The following OLA1 variants were observed in gnomAD, a reference collection of about 807,000 sequenced individuals.
OLA1 encodes the protein obg-like ATPase 1.
In OLA1, 14 loss-of-function variants were observed where a neutral mutation model predicts 48.4. The ratio of observed to expected loss-of-function variants is 0.29; its 90% CI spans 0.19 to 0.45. The LOEUF (loss-of-function observed/expected upper bound fraction) is 0.45. OLA1 is among the 20% of genes least tolerant of loss of function. The pLI, the probability that OLA1 is intolerant of heterozygous loss-of-function variation, is 1.00. For missense variants in OLA1, 325 were observed against 467.1 expected (o/e 0.70, Z 2.80); for synonymous variants, 127 against 150.4 (o/e 0.84, Z 1.14).
chr2:174,216,787 A>G (rs1355193572), intron 4 of OLA1, among the ~76,000 whole-genome samples: 1 of 152,044 alleles, frequency 6.6e-6, no homozygotes, highest in Admixed American at 6.6e-5. Context: ...GACTCAAGCA[A>G]TCCTCCTCCC....
chr2:174,083,270 G>A (rs992821132), intron 7 of OLA1, among the ~76,000 whole-genome samples: 2 of 152,072 alleles, frequency 1.3e-5, no homozygotes, highest in Non-Finnish European at 2.9e-5. Flanking sequence ...CACTTTAGGG[G>A]AAAAGAAAAA....
At chr2:174,162,809 C>T (rs904691172) in intron 4 of OLA1, among the ~76,000 whole-genome samples, 3 of 152,074 alleles carry the variant, frequency 2.0e-5, no homozygotes, top group Non-Finnish European at 4.4e-5. Context: ...TTTGGGAGGC[C>T]GAGGCGGGCG....
At chr2:174,090,638 C>G (rs1359358620) in intron 7 of OLA1, among the ~76,000 whole-genome samples, 1 of 152,136 alleles carries the variant, frequency 6.6e-6, no homozygotes, top group Non-Finnish European at 1.5e-5. Flanking sequence ...GGATTTCATC[C>G]TTGGAACTCT....
chr2:174,153,490 C>T (rs370407966), intron 4 of OLA1, among the ~76,000 whole-genome samples: 5 of 152,132 alleles, frequency 3.3e-5, no homozygotes, highest in Admixed American at 2.0e-4. Flanking sequence ...ATCACTGACA[C>T]CACTTAACTG....
chr2:174,081,855 C>T (rs1257375229), intron 8 of OLA1, 69 bp downstream of exon 8: 26 of 1,425,956 alleles, frequency 1.8e-5, no homozygotes, highest in African/African-American at 4.2e-5. Flanking sequence ...ATTCTATCAG[C>T]GCAAGCAATT....
intron 3 of OLA1, among the ~76,000 whole-genome samples, chr2:174,226,984 G>A (rs532463112): frequency 1.1e-3 from 173 of 152,184 alleles, no homozygotes; most frequent in African/African-American, 4.0e-3. Context: ...CAGCTACTCA[G>A]GAGGCTGAGG....
chr2:174,131,042 G>A (rs1351376696), intron 5 of OLA1, among the ~76,000 whole-genome samples: 3 of 152,080 alleles, frequency 2.0e-5, no homozygotes, highest in Non-Finnish European at 4.4e-5. Flanking sequence ...ATATCTAAGT[G>A]CCCAAATGAA....
At chr2:174,118,480 T>C (rs16862399) in intron 7 of OLA1, among the ~76,000 whole-genome samples, 17,741 of 152,226 alleles carry the variant, frequency 0.12, 2,349 homozygotes, top group East Asian at 0.72. Context: ...CCAAACTTTA[T>C]ATTTCATTTC....
At chr2:174,099,864 CAGAAT>C (rs1233706580) in intron 7 of OLA1, among the ~76,000 whole-genome samples, 2 of 152,272 alleles carry the variant, frequency 1.3e-5, no homozygotes, top group Admixed American at 6.5e-5. Context: ...AGTGGAGACA[CAGAAT>C]AGGTTTCCAT....
intron 4 of OLA1, among the ~76,000 whole-genome samples, chr2:174,219,373 T>C (rs961717604): frequency 1.3e-5 from 2 of 150,924 alleles, no homozygotes; most frequent in Non-Finnish European, 2.9e-5. Context: ...AATATAGTTT[T>C]ATACAAAATG....
intron 4 of OLA1, among the ~76,000 whole-genome samples, chr2:174,188,161 A>G (rs953279400): frequency 6.6e-6 from 1 of 152,184 alleles, no homozygotes; most frequent in Admixed American, 6.6e-5. Context: ...ATGGGCTTAT[A>G]GAAGGACTAG....
At chr2:174,247,851 C>T (rs971169387) in intron 1 of OLA1, 1 of 1,485,654 alleles carries the variant, frequency 6.7e-7, no homozygotes, top group Non-Finnish European at 9.1e-7. Context: ...GTTCTGTCTC[C>T]AAATCATGCG....
At chr2:174,139,891 AAG>A (rs1266340877) in intron 5 of OLA1, among the ~76,000 whole-genome samples, 7 of 146,918 alleles carry the variant, frequency 4.8e-5, no homozygotes, top group Admixed American at 6.9e-5. Flanking sequence ...GAAAGAAAGA[AAG>A]AAAAAAAAAA....
chr2:174,245,271 A>G (rs918897623), intron 2 of OLA1, among the ~76,000 whole-genome samples: 2 of 152,220 alleles, frequency 1.3e-5, no homozygotes, highest in African/African-American at 4.8e-5. Context: ...CAAGCAGACT[A>G]TATCACAGCA....
At chr2:174,150,120 T>C (rs1317621308) in intron 4 of OLA1, among the ~76,000 whole-genome samples, 2 of 152,236 alleles carry the variant, frequency 1.3e-5, no homozygotes, top group Non-Finnish European at 2.9e-5. Context: ...TGATCTCCAA[T>C]GCAGCAGTGT....
chr2:174,128,898 A>G (rs1238956189), intron 5 of OLA1, among the ~76,000 whole-genome samples: 1 of 152,176 alleles, frequency 6.6e-6, no homozygotes, highest in African/African-American at 2.4e-5. Context: ...TGTCCAAAAT[A>G]TACTGCTAAG....
intron 7 of OLA1, among the ~76,000 whole-genome samples, chr2:174,085,505 A>G (rs556568620): frequency 7.3e-4 from 111 of 152,286 alleles, no homozygotes; most frequent in African/African-American, 2.6e-3. Flanking sequence ...CCCATCACCC[A>G]CCCATGGAAA....
At chr2:174,124,074 AAAAC>A (rs1685985380) in intron 5 of OLA1, among the ~76,000 whole-genome samples, 1 of 152,186 alleles carries the variant, frequency 6.6e-6, no homozygotes, top group African/African-American at 2.4e-5. Flanking sequence ...CCTAAGAAGA[AAAAC>A]AAACAAGACA....
intron 4 of OLA1, among the ~76,000 whole-genome samples, chr2:174,169,960 A>G (rs1233045959): frequency 6.6e-6 from 1 of 152,218 alleles, no homozygotes; most frequent in African/African-American, 2.4e-5. Context: ...CAACTATGGC[A>G]TAAAAGACAG....
Sources: gnomAD v4.1 joint callset for allele counts (sites outside exome capture counted in the v4.1 genomes callset) on GRCh38, gnomAD v4.1.1 for gene constraint, MANE v1.5 for transcripts, NCBI Gene and HGNC (gene_info 2026-07-23, HGNC 2026-07-21) for gene names.